RIPOR3: variants seen among roughly 807,000 people sequenced by gnomAD.
The protein encoded by RIPOR3 is RIPOR family member 3, also known as family with sequence similarity 65 member C.
Under a neutral mutation model 114.3 loss-of-function variants are expected in RIPOR3, and 95 were observed. The observed-to-expected ratio is 0.83, with a 90% CI of 0.70 to 0.99. The LOEUF is 0.99. Among genes scored for constraint, RIPOR3 ranks in the 50% least tolerant of loss-of-function variants. The pLI is 0.00. For synonymous variants in RIPOR3, 575 were observed against 543.8 expected (o/e 1.06, Z -0.80); for missense variants, 1,252 against 1,266.9 (o/e 0.99, Z 0.18).
chr20:50,650,406 AAT>A (rs2085558373), intron 1 of RIPOR3, among the ~76,000 whole-genome samples: 1 of 151,932 alleles, frequency 6.6e-6, no homozygotes, highest in Non-Finnish European at 1.5e-5. Flanking sequence ...GGGCTCAAAC[AAT>A]CCTCCCACCT....
At chr20:50,613,661 T>C (rs1050526290) in intron 4 of RIPOR3, among the ~76,000 whole-genome samples, 1 of 152,150 alleles carries the variant, frequency 6.6e-6, no homozygotes. Flanking sequence ...AGTGTGCCCA[T>C]CTATGACATG....
chr20:50,615,866 C>A, intron 4 of RIPOR3, 136 bp downstream of exon 4: 1 of 775,948 alleles, frequency 1.3e-6, no homozygotes, highest in African/African-American at 1.7e-5. Context: ...CTCAGTGCAA[C>A]GTGAAGAGGC....
rs762556909 is a variant in RIPOR3, at chr20:50,592,370, C to A, written c.2551G>T (p.Val851Phe). 1 of 1,599,430 alleles carries A rather than the reference C, an allele frequency of 6.3e-7. No individual in the cohort carries two copies. Among genetic ancestry groups the A allele is most frequent in the Non-Finnish European group, 8.5e-7 (1 of 1,170,262 alleles). The change falls in exon 19 of 22, where the codon GTC becomes TTC. Residue 851 changes from valine (V) to phenylalanine (F), a missense_variant. Transcript: ENST00000327979. ...RAASARLAGA[V>F]RNRSFREKAL... ...TTTTCCCGGAAGCTTCTGTTCCTGA[C>A]TGCACCAGCCAGGCGAGCGCTGGCC...
In RIPOR3 at chr20:50,606,697, C is replaced by T. The variant is rs1263089788; in HGVS notation, c.956+1692G>A. Reference sequence around the variant, plus strand: ...ATGCCCTTGAGCCACATGCTCGGGCCCACTCCCACCCTGTGGAGTGCTTTC... The same window carrying T: ...ATGCCCTTGAGCCACATGCTCGGGCTCACTCCCACCCTGTGGAGTGCTTTC... On this transcript the variant is annotated intron_variant, in intron 11 of 21. Coordinates refer to ENST00000327979, the MANE Select transcript of RIPOR3 (RefSeq NM_001290268.2). Among the ~76,000 whole-genome samples, 3 of 151,520 alleles carry T rather than the reference C, an allele frequency of 2.0e-5. 1 individual carries two copies. Among genetic ancestry groups the T allele is most frequent in the South Asian group, 4.2e-4 (2 of 4,792 alleles).
intron 1 of RIPOR3, among the ~76,000 whole-genome samples, chr20:50,647,332 A>G (rs1192214496): frequency 6.6e-6 from 1 of 152,094 alleles, no homozygotes; most frequent in African/African-American, 2.4e-5. Context: ...AAAGAAAAAA[A>G]AGAAAAGTGA....
At position 50,602,279 on chromosome 20, in the gene RIPOR3, T is replaced by G. The variant is rs1444499838; in HGVS notation, c.1452A>C (p.Pro484=). 1 of 1,613,830 alleles carries G rather than the reference T, an allele frequency of 6.2e-7. No homozygotes were observed. The highest frequency in any genetic ancestry group is 1.3e-5 in the African/African-American group (1 of 74,934). Residue 484 remains proline, a synonymous_variant, in exon 13 of 22, where the codon CCA becomes CCC. Transcript: ENST00000327979. This position sits in a 1 kb window ranked among gnomAD's most constrained non-coding sequence, Gnocchi z 4.3. ...RNLGGESPSL[P]QGSLFHSGTA... ...TGCCGCTGTGGAACAGGGAGCCCTG[T>G]GGCAGGCTGGGGCTCTCCCCTCCTA...
intron 1 of RIPOR3, among the ~76,000 whole-genome samples, chr20:50,664,029 C>T (rs1415861005): frequency 6.6e-6 from 1 of 150,964 alleles, no homozygotes; most frequent in Non-Finnish European, 1.5e-5. Context: ...CGGCTTCAAG[C>T]GATTCTCCTG....
intron 16 of RIPOR3, 124 bp downstream of exon 16, chr20:50,595,240 CAGCCA>C: frequency 7.9e-7 from 1 of 1,268,670 alleles, no homozygotes; most frequent in Non-Finnish European, 1.1e-6. Context: ...GAGCCCAGCC[CAGCCA>C]CAGCCTCCAC....
chr20:50,686,065 G>T (rs1047840324), intron 1 of RIPOR3, among the ~76,000 whole-genome samples: 2 of 151,702 alleles, frequency 1.3e-5, no homozygotes, highest in African/African-American at 4.8e-5. Flanking sequence ...CTCTTTCTTT[G>T]TTTTTTTTAA....
intron 19 of RIPOR3, among the ~76,000 whole-genome samples, chr20:50,591,968 G>T (rs6096016): frequency 6.6e-6 from 1 of 152,102 alleles, no homozygotes; most frequent in Non-Finnish European, 1.5e-5. Flanking sequence ...GGTGGTGGGC[G>T]CCTGTAATCC....
At chr20:50,685,291 A>G (rs2086976282) in intron 1 of RIPOR3, among the ~76,000 whole-genome samples, 1 of 142,762 alleles carries the variant, frequency 7.0e-6, no homozygotes, top group Admixed American at 7.6e-5. Context: ...ATCTCGGCTC[A>G]CTGCAACCTC....
At chr20:50,597,245 C>T (rs1483674225) in intron 14 of RIPOR3, 5 of 224,938 alleles carry the variant, frequency 2.2e-5, no homozygotes, top group East Asian at 1.1e-4. Context: ...GGATTACAGG[C>T]GTGAGCCACT....
chr20:50,665,175 G>T (rs1487949374), intron 1 of RIPOR3, among the ~76,000 whole-genome samples: 3 of 151,370 alleles, frequency 2.0e-5, no homozygotes, highest in Non-Finnish European at 2.9e-5. Context: ...GGTGGCTCAC[G>T]CCTGTAATCC....
chr20:50,636,904 C>G (rs376464181), intron 1 of RIPOR3: 1 of 985,400 alleles, frequency 1.0e-6, no homozygotes, highest in Non-Finnish European at 1.2e-6. Context: ...GCTTTTGGGG[C>G]TGGGTGGCTT....
chr20:50,633,669 C>T (rs1217080078), intron 1 of RIPOR3, among the ~76,000 whole-genome samples: 1 of 152,222 alleles, frequency 6.6e-6, no homozygotes, highest in Non-Finnish European at 1.5e-5. Flanking sequence ...CTGGGCCGTT[C>T]CTGGAGCTTC....
intron 1 of RIPOR3, among the ~76,000 whole-genome samples, chr20:50,671,768 A>T (rs1388479545): frequency 6.6e-6 from 1 of 150,620 alleles, no homozygotes; most frequent in Non-Finnish European, 1.5e-5. Context: ...GGGTGAATAG[A>T]TGAATGGGTG....
At chr20:50,646,370 G>A (rs372927582) in intron 1 of RIPOR3, among the ~76,000 whole-genome samples, 10 of 152,078 alleles carry the variant, frequency 6.6e-5, no homozygotes, top group Admixed American at 1.3e-4. Flanking sequence ...GAGCTCAAGC[G>A]ATTCACCCTC....
At position 50,587,802 on chromosome 20, in the gene RIPOR3, C is replaced by G; in HGVS notation, c.2752G>C (p.Gly918Arg). The G allele has an allele frequency of 6.2e-7, 1 of 1,614,160 alleles. No individual in the cohort carries two copies. The highest frequency in any genetic ancestry group is 8.5e-7 in the Non-Finnish European group (1 of 1,180,024). Residue 918 changes from glycine (G) to arginine (R), a missense_variant and splice_region_variant, in exon 21 of 22, where the codon GGT becomes CGT. Gly to Arg is a moderately radical substitution (Grantham distance 125). Coordinates refer to ENST00000327979, the MANE Select transcript of RIPOR3 (RefSeq NM_001290268.2). ...CTGCACAGTTTGTGCCACTTTTTAC[C>G]GAACGACAGTGTGGTTTCCCGGGCT... is the stretch of plus-strand genomic sequence containing the variant. ...AAARETTLSF[G>R]EKGRLAFEKM...
At chr20:50,625,713 G>T (rs2084594343) in intron 2 of RIPOR3, among the ~76,000 whole-genome samples, 1 of 152,170 alleles carries the variant, frequency 6.6e-6, no homozygotes, top group Admixed American at 6.5e-5. Flanking sequence ...AGGAGGGGCA[G>T]GAAAGGGGGA....
Sources: allele counts gnomAD v4.1 joint callset (sites outside exome capture counted in the v4.1 genomes callset), GRCh38; gene constraint gnomAD v4.1.1; non-coding constraint Gnocchi (gnomAD v3.1); transcripts MANE v1.5; gene names NCBI Gene and HGNC (gene_info 2026-07-23, HGNC 2026-07-21).